The following SLC25A21 variants were observed in gnomAD, a reference collection of about 807,000 sequenced individuals.
SLC25A21 encodes the protein mitochondrial 2-oxodicarboxylate carrier.
In SLC25A21, 47 loss-of-function variants were observed where a neutral mutation model predicts 43.8. The ratio of observed to expected loss-of-function variants is 1.07; its 90% CI spans 0.85 to 1.37. The LOEUF is 1.37. Among genes scored for constraint, SLC25A21 ranks in the 40% most tolerant of loss-of-function variants. SLC25A21 has a pLI of 0.00. For synonymous variants in SLC25A21, 131 were observed against 121.3 expected, an observed-to-expected ratio of 1.08 and a Z score of -0.52; for missense variants, 352 against 350.2, an observed-to-expected ratio of 1.00 and a Z score of -0.04.
intron 1 of SLC25A21, among the ~76,000 whole-genome samples, chr14:36,885,281 G>T (rs1041195694): frequency 4.6e-5 from 7 of 152,102 alleles, no homozygotes; most frequent in African/African-American, 1.7e-4. Context: ...ATAAATGCAT[G>T]GGTTTATTTG....
intron 1 of SLC25A21, among the ~76,000 whole-genome samples, chr14:36,929,374 A>C (rs756071348): frequency 1.3e-5 from 2 of 152,154 alleles, no homozygotes; most frequent in Non-Finnish European, 2.9e-5. Flanking sequence ...TTTTATAGAG[A>C]TCCTCTATTA....
intron 1 of SLC25A21, among the ~76,000 whole-genome samples, chr14:36,893,262 C>G (rs930061502): frequency 2.0e-5 from 3 of 152,188 alleles, no homozygotes; most frequent in African/African-American, 7.2e-5. Flanking sequence ...GAGATGATAT[C>G]TCACTGTGGT....
intron 2 of SLC25A21, among the ~76,000 whole-genome samples, chr14:36,821,796 G>C (rs7150466): frequency 6.6e-6 from 1 of 152,100 alleles, no homozygotes; most frequent in Non-Finnish European, 1.5e-5. Context: ...CAGCCTGGAC[G>C]ACAGTGCGAG....
chr14:37,076,416 G>A (rs1005609786), intron 1 of SLC25A21, among the ~76,000 whole-genome samples: 11 of 152,116 alleles, frequency 7.2e-5, no homozygotes, highest in East Asian at 1.9e-4. Flanking sequence ...CAGGTGATCT[G>A]CCCACCTGAC....
At chr14:36,692,870 T>C (rs1291101795) in intron 7 of SLC25A21, among the ~76,000 whole-genome samples, 7 of 152,258 alleles carry the variant, frequency 4.6e-5, no homozygotes, top group Admixed American at 3.9e-4. Flanking sequence ...CTTTGATCTC[T>C]GCAATTAAGT....
intron 1 of SLC25A21, among the ~76,000 whole-genome samples, chr14:37,001,681 G>A (rs1193055293): frequency 6.6e-6 from 1 of 151,816 alleles, no homozygotes; most frequent in Non-Finnish European, 1.5e-5. Flanking sequence ...CTGGCACTGG[G>A]GATACAAATT....
intron 1 of SLC25A21, among the ~76,000 whole-genome samples, chr14:36,997,316 C>T (rs1257173395): frequency 6.6e-6 from 1 of 152,120 alleles, no homozygotes; most frequent in Non-Finnish European, 1.5e-5. Context: ...AAAGGAGAAA[C>T]ACTTTCTCAA....
rs971539114 is a variant in SLC25A21 at position 36,731,174 on chromosome 14, C to T, written c.271-1608G>A. Among the ~76,000 whole-genome samples, 16 of 152,146 alleles carry T rather than the reference C, an allele frequency of 1.1e-4. 1 individual carries two copies. The highest frequency in any genetic ancestry group is 2.0e-4 in the Admixed American group (3 of 15,278). ...ATTTTTAGTAGAGACGGGGTTTCCC[C>T]GTGTTAGCCAGGATGGTCTCGATCT... On this transcript the variant is annotated intron_variant, in intron 4 of 9. Transcript: ENST00000331299.
chr14:36,681,570 C>A (rs1882261208), intron 9 of SLC25A21, among the ~76,000 whole-genome samples: 1 of 151,928 alleles, frequency 6.6e-6, no homozygotes, highest in South Asian at 2.1e-4. Context: ...CTCTTTTTAT[C>A]CTTTTATGTC....
chr14:36,905,042 C>A (rs899566129), intron 1 of SLC25A21, among the ~76,000 whole-genome samples: 2 of 152,052 alleles, frequency 1.3e-5, no homozygotes, highest in African/African-American at 4.8e-5. Context: ...AAATTCTAGG[C>A]CAAAATTATT....
At chr14:36,876,364 TCTTA>T (rs991235591) in intron 1 of SLC25A21, among the ~76,000 whole-genome samples, 1 of 152,164 alleles carries the variant, frequency 6.6e-6, no homozygotes, top group African/African-American at 2.4e-5. Flanking sequence ...ACCAAAACTG[TCTTA>T]CTTTGGCTAC....
intron 2 of SLC25A21, among the ~76,000 whole-genome samples, chr14:36,874,600 T>C (rs1256009677): frequency 6.6e-6 from 1 of 152,204 alleles, no homozygotes; most frequent in Non-Finnish European, 1.5e-5. Flanking sequence ...GACTATTAAA[T>C]AGAGATCTGT....
At chr14:37,086,157 G>A (rs956791378) in intron 1 of SLC25A21, among the ~76,000 whole-genome samples, 2 of 151,992 alleles carry the variant, frequency 1.3e-5, no homozygotes, top group African/African-American at 2.4e-5. Flanking sequence ...TTGGGGGCCT[G>A]GGGTTTTTTT....
At chr14:37,097,954 TAAAGC>T (rs1962734332) in intron 1 of SLC25A21, 1 of 152,080 alleles carries the variant, frequency 6.6e-6, no homozygotes, top group African/African-American at 2.4e-5. Context: ...GAAGAAATGA[TAAAGC>T]AAATGGGGCA....
chr14:37,087,306 C>T (rs2057171), intron 1 of SLC25A21, among the ~76,000 whole-genome samples: 114,688 of 152,174 alleles, frequency 0.75, 48,301 homozygotes, highest in South Asian at 0.94. Context: ...AAATCAACTT[C>T]ATCACTAAAC....
rs10139375 is a variant in SLC25A21, at chr14:37,024,171, C to T, written c.70+148110G>A. 8.2e-3 allele frequency among the ~76,000 whole-genome samples: 1,251 copies of T among 152,168 alleles called. 15 individuals carry two copies. Among genetic ancestry groups the T allele is most frequent in the African/African-American group, 0.029 (1,198 of 41,530 alleles). ...ACTAATCCATCATTTCATTGCAATG[C>T]GTAGCTTTCCTAATGGAAATCTGAC... On this transcript the variant is annotated intron_variant, in intron 1 of 9. Transcript: ENST00000331299.
intron 1 of SLC25A21, among the ~76,000 whole-genome samples, chr14:36,931,110 C>T (rs542344472): frequency 6.6e-6 from 1 of 152,110 alleles, no homozygotes; most frequent in African/African-American, 2.4e-5. Context: ...CCTCCTCCCC[C>T]CTATTTAAAG....
At chr14:36,921,280 T>C (rs1159623908) in intron 1 of SLC25A21, among the ~76,000 whole-genome samples, 1 of 152,186 alleles carries the variant, frequency 6.6e-6, no homozygotes, top group Non-Finnish European at 1.5e-5. Flanking sequence ...TTAGTACCTA[T>C]GATTTTACAC....
At chr14:37,155,548 T>C (rs1963833228) in intron 1 of SLC25A21, among the ~76,000 whole-genome samples, 1 of 152,126 alleles carries the variant, frequency 6.6e-6, no homozygotes, top group South Asian at 2.1e-4. Flanking sequence ...GAGAAAATCA[T>C]CTAGTCACCT....
Sources: allele counts gnomAD v4.1 joint callset (sites outside exome capture counted in the v4.1 genomes callset), GRCh38; gene constraint gnomAD v4.1.1; transcripts MANE v1.5; gene names NCBI Gene and HGNC (gene_info 2026-07-23, HGNC 2026-07-21).